The following RANBP2 variants were observed in gnomAD, a reference collection of about 807,000 sequenced individuals.
RANBP2 encodes RAN binding protein 2, also known as E3 SUMO-protein ligase RanBP2.
A neutral mutation model predicts 303.6 loss-of-function variants in RANBP2; 57 were observed. The observed-to-expected ratio is 0.19, with a 90% CI of 0.15 to 0.23. The LOEUF (loss-of-function observed/expected upper bound fraction) is 0.23, where lower values mean the gene tolerates loss of function less well. Among genes scored for constraint, RANBP2 ranks in the 10% least tolerant of loss-of-function variants. RANBP2 has a pLI of 1.00. For synonymous variants in RANBP2, 1,167 were observed against 1,301.5 expected (o/e 0.90, Z 2.23); for missense variants, 3,138 against 3,780.8 (o/e 0.83, Z 4.46).
chr2:109,197,621 G>A, the RANBP2 span, among the ~76,000 whole-genome samples: 3 of 152,198 alleles, frequency 2.0e-5, no homozygotes, highest in African/African-American at 7.2e-5. Flanking sequence ...TGCAGTTGCT[G>A]TTTTGAGATT....
At chr2:109,244,876 A>G in the RANBP2 span, among the ~76,000 whole-genome samples, 1 of 152,188 alleles carries the variant, frequency 6.6e-6, no homozygotes. Flanking sequence ...TGCCATCGTC[A>G]TATTCTGCAG....
At chr2:109,331,764 T>C in the RANBP2 span, among the ~76,000 whole-genome samples, 18 of 152,230 alleles carry the variant, frequency 1.2e-4, no homozygotes, top group Admixed American at 2.0e-4. Context: ...CAATAAGTAC[T>C]TGGTGACTGA....
the RANBP2 span, among the ~76,000 whole-genome samples, chr2:109,672,770 A>G: frequency 1.3e-5 from 2 of 152,224 alleles, no homozygotes; most frequent in Non-Finnish European, 1.5e-5. Flanking sequence ...TACTGTTGAT[A>G]TATGTACAAA....
chr2:108,857,646 T>C, the RANBP2 span, among the ~76,000 whole-genome samples: 2 of 152,236 alleles, frequency 1.3e-5, no homozygotes, highest in Non-Finnish European at 2.9e-5. Flanking sequence ...TGTTAAAATA[T>C]TGGACTTACA....
At chr2:109,723,081 A>T in the RANBP2 span, among the ~76,000 whole-genome samples, 1 of 152,146 alleles carries the variant, frequency 6.6e-6, no homozygotes, top group East Asian at 1.9e-4. Context: ...TTACACTCCC[A>T]CTAACAGTTT....
chr2:109,519,153 A>C, the RANBP2 span, among the ~76,000 whole-genome samples: 1 of 151,994 alleles, frequency 6.6e-6, no homozygotes, highest in Non-Finnish European at 1.5e-5. Flanking sequence ...TCCTGACCTC[A>C]GGTGATCTGC....
the RANBP2 span, among the ~76,000 whole-genome samples, chr2:109,710,629 C>T: frequency 6.6e-6 from 1 of 152,174 alleles, no homozygotes; most frequent in African/African-American, 2.4e-5. Context: ...AAGGCCCTGG[C>T]CCACAAGGTC....
the RANBP2 span, among the ~76,000 whole-genome samples, chr2:108,982,360 C>T: frequency 1.3e-5 from 2 of 152,228 alleles, no homozygotes; most frequent in Non-Finnish European, 2.9e-5. Context: ...TGTCCTGCCA[C>T]CAAAGGCCTC....
the RANBP2 span, among the ~76,000 whole-genome samples, chr2:109,396,853 G>A: frequency 3.6e-4 from 55 of 152,356 alleles, no homozygotes; most frequent in African/African-American, 1.2e-3. Flanking sequence ...CTTCCATAGC[G>A]GCTCACATGG....
At chr2:109,412,103 G>A in the RANBP2 span, among the ~76,000 whole-genome samples, 2 of 152,224 alleles carry the variant, frequency 1.3e-5, no homozygotes, top group African/African-American at 4.8e-5. Flanking sequence ...TTGGACTCAC[G>A]CAGGGCAGTC....
the RANBP2 span, among the ~76,000 whole-genome samples, chr2:108,903,806 T>C: frequency 6.6e-6 from 1 of 152,238 alleles, no homozygotes; most frequent in East Asian, 1.9e-4. Context: ...ATAAAAACTA[T>C]GTGGACTTAG....
chr2:108,959,888 C>G, the RANBP2 span, among the ~76,000 whole-genome samples: 2 of 152,042 alleles, frequency 1.3e-5, no homozygotes, highest in Admixed American at 6.6e-5. Flanking sequence ...ACACACATAT[C>G]CAAGTGAAAC....
the RANBP2 span, among the ~76,000 whole-genome samples, chr2:109,482,192 T>C: frequency 6.6e-6 from 1 of 152,208 alleles, no homozygotes; most frequent in Non-Finnish European, 1.5e-5. Context: ...TCTTCAGGGC[T>C]GCTTTGAGAA....
chr2:109,701,062 G>A, the RANBP2 span, among the ~76,000 whole-genome samples: 1 of 152,182 alleles, frequency 6.6e-6, no homozygotes, highest in East Asian at 1.9e-4. Context: ...GCGTTCACAG[G>A]AGATGGGCTC....
the RANBP2 span, among the ~76,000 whole-genome samples, chr2:109,457,287 C>T: frequency 6.6e-6 from 1 of 152,020 alleles, no homozygotes; most frequent in Non-Finnish European, 1.5e-5. Flanking sequence ...AACTTATATC[C>T]CCGAGGCTTC....
chr2:109,095,486 A>C, the RANBP2 span, among the ~76,000 whole-genome samples: 20 of 152,232 alleles, frequency 1.3e-4, no homozygotes, highest in African/African-American at 4.8e-4. Flanking sequence ...TAGTGGGACA[A>C]AACTGAAGGT....
the RANBP2 span, among the ~76,000 whole-genome samples, chr2:109,488,471 C>T: frequency 2.6e-5 from 4 of 152,188 alleles, no homozygotes; most frequent in East Asian, 3.9e-4. Flanking sequence ...GAGGGGCTGA[C>T]GGGCCCAGCT....
At chr2:109,722,070 G>A in the RANBP2 span, among the ~76,000 whole-genome samples, 2 of 152,316 alleles carry the variant, frequency 1.3e-5, no homozygotes, top group South Asian at 2.1e-4. Flanking sequence ...ATGTGGAGTG[G>A]GGTGGAGAGG....
the RANBP2 span, among the ~76,000 whole-genome samples, chr2:109,637,882 C>T: frequency 5.9e-5 from 9 of 152,088 alleles, no homozygotes; most frequent in Admixed American, 2.6e-4. Context: ...CGCTTGAACC[C>T]GGGAGGCGGA....
Sources: gnomAD v4.1 joint callset for allele counts (sites outside exome capture counted in the v4.1 genomes callset) on GRCh38, gnomAD v4.1.1 for gene constraint, MANE v1.5 for transcripts, NCBI Gene and HGNC (gene_info 2026-07-23, HGNC 2026-07-21) for gene names.